HIPK1: variants seen among roughly 807,000 people sequenced by gnomAD.
The protein encoded by HIPK1 is homeodomain-interacting protein kinase 1.
A neutral mutation model predicts 117.1 loss-of-function variants in HIPK1; 28 were observed. The ratio of observed to expected loss-of-function variants is 0.24; its 90% CI spans 0.18 to 0.33. The LOEUF is 0.33. HIPK1 is among the 10% of genes least tolerant of loss of function. HIPK1 has a pLI of 1.00. For synonymous variants in HIPK1, 605 were observed against 562.5 expected (o/e 1.08, Z -1.07); for missense variants, 1,122 against 1,475.1 (o/e 0.76, Z 3.92).
chr1:113,963,263 C>A, intron 9 of HIPK1, 124 bp from the exon 10 acceptor site: 1 of 1,109,704 alleles, frequency 9.0e-7, no homozygotes, highest in Non-Finnish European at 1.3e-6. Flanking sequence ...TTGGTATATG[C>A]ATTTTAGATG....
chr1:113,954,737 T>G lies in HIPK1; in HGVS notation c.1287T>G (p.Asp429Glu), dbSNP rs1671599520. ...AAACAACCAGGTTTTTCAACAGAGATCCTAATTTGGGGTACCCACTGTGGA... is the reference window on the plus strand; with the variant it reads ...AAACAACCAGGTTTTTCAACAGAGAGCCTAATTTGGGGTACCCACTGTGGA... ...GTKTTRFFNR[D>E]PNLGYPLWRL... Residue 429 changes from aspartate (D) to glutamate (E), a missense_variant, in exon 4 of 16, where the codon GAT becomes GAG. By Grantham distance (45) the Asp-to-Glu change is conservative. Around this residue, in one of 6 missense-constraint regions of HIPK1, gnomAD observed 127 missense variants for 197.9 expected, o/e 0.64. Coordinates refer to ENST00000426820, the MANE Select transcript of HIPK1 (RefSeq NM_198268.3). 1.2e-6 allele frequency: 2 copies of G among 1,613,942 alleles called. No homozygotes were observed. The highest frequency in any genetic ancestry group is 3.3e-5 in the Admixed American group (2 of 60,000).
Position 113,967,856 on chromosome 1 carries a change from T to C in HIPK1, c.2472T>C (p.Pro824=). 6.2e-7 allele frequency: 1 copy of C among 1,612,576 alleles called. No homozygotes were observed. Among genetic ancestry groups the C allele is most frequent in the Non-Finnish European group, 8.5e-7 (1 of 1,179,718 alleles). The change falls in exon 12 of 16, where the codon CCT becomes CCC. Residue 824 remains proline, a synonymous_variant. Coordinates refer to ENST00000426820, the MANE Select transcript of HIPK1 (RefSeq NM_198268.3). ...TNHVTLATAQ[P]LNVGVAHVVR... is the part of the protein sequence containing the mutation. The stretch of plus-strand genomic sequence containing the variant: ...ATGTGACATTGGCCACTGCTCAGCC[T>C]CTGAATGTTGGTGTTGCCCATGTTG...
At position 113,963,166 on chromosome 1, in the gene HIPK1, G is replaced by A. The variant is rs1298080877; in HGVS notation, c.2104-221G>A. Among the ~76,000 whole-genome samples, 4 of 152,168 alleles carry A rather than the reference G, an allele frequency of 2.6e-5. No individual in the cohort carries two copies. In the South Asian group the frequency reaches 6.2e-4, roughly 24 times the overall value. ...ACTGATCCCCTGAATCTAGCCCAAG[G>A]AGGATTCCTATACTTCTTTGTTTTA... On this transcript the variant is annotated intron_variant, in intron 9 of 15. Coordinates refer to ENST00000426820, the MANE Select transcript of HIPK1 (RefSeq NM_198268.3).
At chr1:113,936,050 G>A (rs542978220) in intron 1 of HIPK1, among the ~76,000 whole-genome samples, 98 of 152,186 alleles carry the variant, frequency 6.4e-4, no homozygotes, top group Non-Finnish European at 8.8e-5. Context: ...TGCTGTTTTA[G>A]CTGAGTTTCA....
intron 2 of HIPK1, among the ~76,000 whole-genome samples, chr1:113,945,405 C>T (rs1457305921): frequency 6.6e-6 from 1 of 152,194 alleles, no homozygotes; most frequent in African/African-American, 2.4e-5. Context: ...CAAGAAGTCA[C>T]TGTTAAGTCG....
At chr1:113,950,248 G>A (rs1671260827) in intron 2 of HIPK1, among the ~76,000 whole-genome samples, 1 of 152,022 alleles carries the variant, frequency 6.6e-6, no homozygotes, top group Non-Finnish European at 1.5e-5. Flanking sequence ...ACAACAATAA[G>A]CACATATCAC....
intron 14 of HIPK1, 84 bp downstream of exon 14, chr1:113,970,281 G>GAC: frequency 7.0e-7 from 1 of 1,419,260 alleles, no homozygotes; most frequent in Non-Finnish European, 9.9e-7. Context: ...ACTTATATCA[G>GAC]TGGTAGAGAC....
intron 3 of HIPK1, chr1:113,953,921 G>T (rs1489300396): frequency 6.6e-6 from 1 of 151,992 alleles, no homozygotes; most frequent in Non-Finnish European, 1.5e-5. Flanking sequence ...CTAACACTGT[G>T]TCTGGTACAC....
At chr1:113,965,982 C>G (rs1571721569) in intron 10 of HIPK1, 148 bp from the exon 11 acceptor site, 2 of 691,652 alleles carry the variant, frequency 2.9e-6, no homozygotes, top group East Asian at 5.7e-5. Flanking sequence ...TAGCTTGAGC[C>G]CCTCTGACCT....
At chr1:113,938,929 T>TACACACACACAC (rs55979020) in intron 1 of HIPK1, among the ~76,000 whole-genome samples, 2,274 of 115,436 alleles carry the variant, frequency 0.02, 47 homozygotes, top group Middle Eastern at 0.033. Context: ...AAAAAAAAAA[T>TACACACACACAC]ACACACACAC....
rs1673180495 is a variant in HIPK1, at chr1:113,977,131, A to T, written c.*3619A>T. 1 of 152,718 alleles carries T rather than the reference A, an allele frequency of 6.5e-6. No individual in the cohort carries two copies. The highest frequency in any genetic ancestry group is 2.1e-4 in the South Asian group (1 of 4,826). The allele number at this position is 152,718 out of a possible 1,614,324, so 9.5% of individuals were successfully genotyped here. ...AAGCACAGTAATGTGTGTTTTGTTCAGCATTATTATGCAAAAATTCACTAG... is the reference window on the plus strand; with the variant it reads ...AAGCACAGTAATGTGTGTTTTGTTCTGCATTATTATGCAAAAATTCACTAG... On this transcript the variant is annotated 3_prime_UTR_variant, in exon 16 of 16. Coordinates refer to ENST00000426820, the MANE Select transcript of HIPK1 (RefSeq NM_198268.3).
In HIPK1 at chr1:113,973,310, C is replaced by T; in HGVS notation, c.3431C>T (p.Ala1144Val). Residue 1144 changes from alanine (A) to valine (V), a missense_variant, in exon 16 of 16, where the codon GCC (alanine) becomes GTC (valine). Ala to Val is a moderately conservative substitution (Grantham distance 64, BLOSUM62 0). This residue lies in a region of HIPK1 where 731 missense variants were observed against 860.4 expected (regional missense o/e 0.85). Coordinates refer to ENST00000426820, the MANE Select transcript of HIPK1 (RefSeq NM_198268.3). Reference protein sequence around the residue: ...SPQGSSRHAAAYTTHPSTLVH... With the variant: ...SPQGSSRHAAVYTTHPSTLVH... ...CAGGGTTCCTCAAGGCATGCTGCAG[C>T]CTATACCACTCACCCTAGCACTTTG... is the stretch of plus-strand genomic sequence containing the variant. The T allele has an allele frequency of 6.2e-7, 1 of 1,614,176 alleles. No homozygotes were observed. The highest frequency in any genetic ancestry group is 8.5e-7 in the Non-Finnish European group (1 of 1,180,016).
At position 113,955,641 on chromosome 1, in the gene HIPK1, A is replaced by G; in HGVS notation, c.1399A>G (p.Met467Val). 1 of 1,587,690 alleles carries G rather than the reference A, an allele frequency of 6.3e-7. No individual in the cohort carries two copies. The highest frequency in any genetic ancestry group is 8.6e-7 in the Non-Finnish European group (1 of 1,156,718). ...GTACATTTTTAATTGCTTAGATGAC[A>G]TGGCTCAGGTGAGTACGGAAAGTTT... The part of the protein sequence containing the change: ...RKYIFNCLDD[M>V]AQVNMSTDLE... Residue 467 changes from methionine (M) to valine (V), a missense_variant, in exon 5 of 16, where the codon ATG becomes GTG. Met to Val is a conservative substitution (Grantham distance 21). This residue lies in a region of HIPK1 where 127 missense variants were observed against 197.9 expected (regional missense o/e 0.64). Coordinates refer to ENST00000426820, the MANE Select transcript of HIPK1 (RefSeq NM_198268.3).
chr1:113,954,440 C>T (rs1041790162), intron 3 of HIPK1, among the ~76,000 whole-genome samples: 1 of 152,054 alleles, frequency 6.6e-6, no homozygotes. Context: ...AGATTATAGC[C>T]AAAATTTTCA....
At chr1:113,929,844 G>T (rs1036487717) in intron 1 of HIPK1, 1 of 987,862 alleles carries the variant, frequency 1.0e-6, no homozygotes. Context: ...TCGCGCGGGG[G>T]GTATGATGAC....
intron 1 of HIPK1, among the ~76,000 whole-genome samples, chr1:113,938,909 CAA>C (rs55998621): frequency 2.8e-4 from 7 of 25,350 alleles, no homozygotes; most frequent in African/African-American, 8.0e-4. Context: ...GACTCTGTCT[CAA>C]AAAAAAAAAA....
Position 113,973,435 on chromosome 1 carries a change from G to A in HIPK1, c.3556G>A (p.Gly1186Arg), listed in dbSNP as rs1237410702. Residue 1186 changes from glycine to arginine, a missense_variant, in exon 16 of 16, where the codon GGG becomes AGG. Transcript: ENST00000426820. The part of the protein sequence containing the change: ...QHQFATQSYI[G>R]SSRGSTIYTG... ...CCAGTTTGCCACCCAATCCTACATT[G>A]GGTCTTCCCGAGGCTCAACAATTTA... The A allele has an allele frequency of 6.2e-7, 1 of 1,613,852 alleles. No homozygotes were observed. Among genetic ancestry groups the A allele is most frequent in the Non-Finnish European group, 8.5e-7 (1 of 1,179,938 alleles).
intron 1 of HIPK1, among the ~76,000 whole-genome samples, chr1:113,935,782 G>C (rs1295316821): frequency 6.6e-6 from 1 of 152,150 alleles, no homozygotes; most frequent in Admixed American, 6.5e-5. Context: ...TAGTGATGTT[G>C]AGCAATTTTT....
chr1:113,962,610 G>A (rs1373905708), intron 9 of HIPK1, among the ~76,000 whole-genome samples, 172 bp downstream of exon 9: 1 of 152,128 alleles, frequency 6.6e-6, no homozygotes, highest in Non-Finnish European at 1.5e-5. Flanking sequence ...TAACACTATT[G>A]CAACTCTGCC....
Sources: gnomAD v4.1 joint callset for allele counts (sites outside exome capture counted in the v4.1 genomes callset) on GRCh38, gnomAD v4.1.1 for gene constraint, gnomAD v4.1.1 regional missense constraint, MANE v1.5 for transcripts, NCBI Gene and HGNC (gene_info 2026-07-23, HGNC 2026-07-21) for gene names.